The following CUX1 variants were observed in gnomAD, a reference collection of about 807,000 sequenced individuals.
CUX1 encodes the protein protein CASP.
A neutral mutation model predicts 158.8 loss-of-function variants in CUX1; 31 were observed. That is an observed-to-expected ratio of 0.20 (90% CI 0.15 to 0.26). The LOEUF is 0.26. CUX1 is among the 10% of genes least tolerant of loss of function. The pLI is 1.00. For missense variants in CUX1, 1,589 were observed against 2,014.6 expected, an observed-to-expected ratio of 0.79 and a Z score of 4.04; for synonymous variants, 879 against 862.1, an observed-to-expected ratio of 1.02 and a Z score of -0.34.
intron 2 of CUX1, among the ~76,000 whole-genome samples, chr7:101,979,975 G>A (rs1813213490): frequency 6.6e-6 from 1 of 152,130 alleles, no homozygotes; most frequent in South Asian, 2.1e-4. Flanking sequence ...TTCTTCGTCT[G>A]TTATTCAGGA....
intron 16 of CUX1, chr7:102,274,406 T>C: frequency 1.8e-6 from 2 of 1,118,150 alleles, no homozygotes; most frequent in Non-Finnish European, 2.6e-6. Flanking sequence ...AGTAGTCCCT[T>C]CCTCTAAGAA....
At chr7:101,976,198 C>G (rs1463032021) in intron 2 of CUX1, among the ~76,000 whole-genome samples, 3 of 152,250 alleles carry the variant, frequency 2.0e-5, no homozygotes, top group South Asian at 2.1e-4. Context: ...AAATTTTTCC[C>G]AAATCTACCA....
At chr7:102,196,181 G>A (rs560235260) in intron 14 of CUX1, among the ~76,000 whole-genome samples, 1 of 152,364 alleles carries the variant, frequency 6.6e-6, no homozygotes, top group African/African-American at 2.4e-5. Flanking sequence ...ACGGGCGCGC[G>A]CCTCCACATC....
At chr7:102,087,502 C>A (rs1554480920) in intron 4 of CUX1, among the ~76,000 whole-genome samples, 1 of 152,140 alleles carries the variant, frequency 6.6e-6, no homozygotes, top group African/African-American at 2.4e-5. Context: ...ATCTCTCGAA[C>A]CCGGGAGACA....
chr7:101,896,096 C>T (rs1241445899), intron 1 of CUX1, among the ~76,000 whole-genome samples: 1 of 151,710 alleles, frequency 6.6e-6, no homozygotes, highest in African/African-American at 2.4e-5. Context: ...ACAGGGTCTC[C>T]TTATGTTGCC....
chr7:101,911,851 C>T (rs956062537), intron 1 of CUX1, among the ~76,000 whole-genome samples: 4 of 152,224 alleles, frequency 2.6e-5, no homozygotes, highest in Non-Finnish European at 5.9e-5. Flanking sequence ...CTGGGTGGGA[C>T]TGAAACCTGA....
chr7:101,941,715 T>A (rs1026447278), intron 2 of CUX1, among the ~76,000 whole-genome samples: 4 of 152,166 alleles, frequency 2.6e-5, no homozygotes, highest in African/African-American at 9.7e-5. Flanking sequence ...GGATCACAGA[T>A]CAGGAGCGAA....
intron 8 of CUX1, among the ~76,000 whole-genome samples, chr7:102,146,235 C>G (rs1314176494): frequency 6.6e-6 from 1 of 152,160 alleles, no homozygotes; most frequent in Non-Finnish European, 1.5e-5. Flanking sequence ...TATGCAATAT[C>G]AGAGCCTCAT....
At chr7:101,993,830 C>G (rs184016426) in intron 2 of CUX1, among the ~76,000 whole-genome samples, 2 of 152,282 alleles carry the variant, frequency 1.3e-5, no homozygotes, top group African/African-American at 2.4e-5. Flanking sequence ...TGAGCCACCC[C>G]TTCATCCTCT....
At chr7:102,111,860 C>T (rs1830924682) in intron 7 of CUX1, 86 bp downstream of exon 7, 4 of 1,216,466 alleles carry the variant, frequency 3.3e-6, no homozygotes, top group East Asian at 2.4e-5. Context: ...CCGGTCCCCG[C>T]GGATACCTGT....
chr7:102,275,795 G>A (rs1554547628), intron 17 of CUX1, among the ~76,000 whole-genome samples: 1 of 152,104 alleles, frequency 6.6e-6, no homozygotes, highest in East Asian at 1.9e-4. Context: ...GATCACTTGA[G>A]GTTGGGAGTT....
At chr7:101,861,179 C>G (rs1045475537) in intron 1 of CUX1, among the ~76,000 whole-genome samples, 10 of 152,306 alleles carry the variant, frequency 6.6e-5, no homozygotes, top group East Asian at 3.9e-4. Flanking sequence ...TCCTTCGAAC[C>G]CACATTTCTG....
intron 17 of CUX1, among the ~76,000 whole-genome samples, chr7:102,276,213 G>A (rs1791596933): frequency 6.6e-6 from 1 of 152,088 alleles, no homozygotes; most frequent in South Asian, 2.1e-4. Context: ...ACCCAGAAGT[G>A]GAATTACTAG....
chr7:101,939,680 G>A (rs1405358671), intron 2 of CUX1, among the ~76,000 whole-genome samples: 3 of 151,962 alleles, frequency 2.0e-5, no homozygotes, highest in Admixed American at 6.6e-5. Context: ...AAAAAAATAC[G>A]AAAATTATTG....
chr7:102,049,578 C>T (rs535248361), intron 3 of CUX1, among the ~76,000 whole-genome samples: 3 of 152,132 alleles, frequency 2.0e-5, no homozygotes, highest in African/African-American at 7.2e-5. Flanking sequence ...TGGCTCACAC[C>T]TGTAATCCCA....
At chr7:101,915,688 A>G (rs915614964) in intron 1 of CUX1, among the ~76,000 whole-genome samples, 3 of 152,192 alleles carry the variant, frequency 2.0e-5, no homozygotes, top group African/African-American at 7.2e-5. Context: ...ATAGATCAGC[A>G]GAAGGACTAG....
intron 1 of CUX1, among the ~76,000 whole-genome samples, chr7:101,846,947 C>T (rs2131219870): frequency 6.6e-6 from 1 of 152,030 alleles, no homozygotes; most frequent in East Asian, 1.9e-4. Flanking sequence ...GCCTGGGCAA[C>T]ATAGCAAGAC....
rs1205133060 is a variant in CUX1, at chr7:102,198,741, A to G, written c.1895-61A>G. The G allele has an allele frequency of 3.4e-6, 5 of 1,450,438 alleles. No homozygotes were observed. The Admixed American group carries it at 6.7e-5, about 19-fold the overall frequency. The allele number at this position is 1,450,438 out of a possible 1,614,324, so 89.8% of individuals were successfully genotyped here. On this transcript the variant is annotated intron_variant, in intron 15 of 23. Transcript: ENST00000292535. Reference sequence around the variant, plus strand: ...GCTCAGATTTCATGTCACACAGCCCATATCGTCAACACCACCATTCCCCTG... The same window carrying G: ...GCTCAGATTTCATGTCACACAGCCCGTATCGTCAACACCACCATTCCCCTG...
chr7:101,833,010 G>A (rs1039973394), intron 1 of CUX1, among the ~76,000 whole-genome samples: 1 of 152,098 alleles, frequency 6.6e-6, no homozygotes, highest in Admixed American at 6.6e-5. Context: ...AAGTAACTTC[G>A]GGGCTGGTTC....
Sources: allele counts gnomAD v4.1 joint callset (sites outside exome capture counted in the v4.1 genomes callset), GRCh38; gene constraint gnomAD v4.1.1; transcripts MANE v1.5; gene names NCBI Gene and HGNC (gene_info 2026-07-23, HGNC 2026-07-21).